Variants in RIF1 observed in about 807,000 individuals in gnomAD.
The protein encoded by RIF1 is replication timing regulatory factor 1, also known as telomere-associated protein RIF1.
RIF1 carries 45 observed loss-of-function variants against 247.1 expected under a neutral mutation model. That is an observed-to-expected ratio of 0.18 (90% confidence interval 0.14 to 0.23). RIF1 has a LOEUF of 0.23. Among genes scored for constraint, RIF1 ranks in the 10% least tolerant of loss-of-function variants. The pLI is 1.00. For synonymous variants in RIF1, 1,087 were observed against 978.8 expected (o/e 1.11, Z -2.06); for missense variants, 2,967 against 2,862.5 (o/e 1.04, Z -0.83).
At chr2:151,450,864 G>A (rs1447171800) in intron 20 of RIF1, among the ~76,000 whole-genome samples, 1 of 152,186 alleles carries the variant, frequency 6.6e-6, no homozygotes, top group African/African-American at 2.4e-5. Flanking sequence ...GATTGCAGGC[G>A]TGAGCCACCA....
At chr2:151,492,481 T>G (rs1553529976) in intron 9 of RIF1, 1 of 1,612,638 alleles carries the variant, frequency 6.2e-7, no homozygotes, top group South Asian at 1.1e-5. Flanking sequence ...CCGGAAACTA[T>G]CAGAATAAAG....
chr2:151,530,261 G>T, the RIF1 span, among the ~76,000 whole-genome samples: 1 of 152,178 alleles, frequency 6.6e-6, no homozygotes, highest in Non-Finnish European at 1.5e-5. Flanking sequence ...GTATATGTGG[G>T]TTTGGATAGG....
chr2:151,416,330 A>G (rs112937523), intron 4 of RIF1, among the ~76,000 whole-genome samples: 6 of 152,316 alleles, frequency 3.9e-5, no homozygotes, highest in Admixed American at 2.6e-4. Context: ...CAGTTGCACA[A>G]GATATCTGAT....
At chr2:151,506,774 T>C in intron 13 of RIF1, 1 of 641,128 alleles carries the variant, frequency 1.6e-6, no homozygotes, top group South Asian at 1.9e-5. Flanking sequence ...TATTGGGGAT[T>C]TTAGCAAATC....
Position 151,445,436 on chromosome 2 carries a change from A to G in RIF1, c.2085A>G (p.Arg695=), listed in dbSNP as rs1188185375. ...TAAACCACATTTTTTCAGAACAGAGATTTCCAGTGGTAAGGCATTGTCAAG... is the reference window on the plus strand; with the variant it reads ...TAAACCACATTTTTTCAGAACAGAGGTTTCCAGTGGTAAGGCATTGTCAAG... ...LPVNHIFSEQ[R]FPVATMKTLL... The change falls in exon 19 of 36, where the codon AGA becomes AGG. Residue 695 remains arginine (R), a synonymous_variant. Transcript: ENST00000444746. 3 of 1,530,400 alleles carry G rather than the reference A, an allele frequency of 2.0e-6. No homozygotes were observed. Among genetic ancestry groups the G allele is most frequent in the African/African-American group, 2.7e-5 (2 of 73,306 alleles). 94.8% of individuals were successfully genotyped at this position (1,530,400 alleles called of 1,614,324 possible). A position where few individuals can be genotyped will look rare whatever the true frequency, so the allele number is the denominator to read the frequency against.
At chr2:151,438,971 C>T (rs1305663899) in intron 14 of RIF1, among the ~76,000 whole-genome samples, 1 of 152,178 alleles carries the variant, frequency 6.6e-6, no homozygotes, top group African/African-American at 2.4e-5. Flanking sequence ...ACTTCAGACT[C>T]CCCCAGAACT....
intron 8 of RIF1, among the ~76,000 whole-genome samples, chr2:151,426,168 A>ATT (rs35001554): frequency 0.01 from 609 of 58,146 alleles, 38 homozygotes; most frequent in African/African-American, 0.02. Flanking sequence ...TTGGCTTTTA[A>ATT]TTTTTTTTTT....
rs1353469340 is a variant in RIF1 at position 151,459,590 on chromosome 2, A to G, written c.2956-410A>G. Among the ~76,000 whole-genome samples the G allele has an allele frequency of 3.9e-5, 6 of 152,316 alleles. No homozygotes were observed. The East Asian group carries it at 9.6e-4, about 24-fold the overall frequency. ...GTGGAATGTGGTCTGTAAAAGCTAT[A>G]TATTCTGTTGAGGGGAAATATGCTC... is the stretch of plus-strand genomic sequence containing the variant. On this transcript the variant is annotated intron_variant, in intron 25 of 35. Coordinates refer to ENST00000444746, the MANE Select transcript of RIF1 (RefSeq NM_018151.5).
At chr2:151,525,186 C>G in the RIF1 span, 2 of 1,613,836 alleles carry the variant, frequency 1.2e-6, no homozygotes, top group South Asian at 2.2e-5. Context: ...TTGGCCACTT[C>G]CATAGCATGT....
At position 151,463,272 on chromosome 2, in the gene RIF1, A is replaced by C. The variant is rs767265921; in HGVS notation, c.3752A>C (p.Asn1251Thr). ...ATTTCATCAACTGTTACAGTGAAAA[A>C]TAACCAGGAAACCATGATTAAAACA... ...NNISSTVTVK[N>T]NQETMIKTDF... Residue 1251 changes from asparagine (N) to threonine (T), a missense_variant, in exon 30 of 36, where the codon AAT becomes ACT. Physicochemically the swap from Asn to Thr is moderately conservative, Grantham distance 65. Transcript: ENST00000444746. The C allele has an allele frequency of 4.3e-6, 7 of 1,613,060 alleles. No homozygotes were observed. The highest frequency in any genetic ancestry group is 5.9e-6 in the Non-Finnish European group (7 of 1,179,788).
At chr2:151,473,472 G>T (rs910472993) in intron 34 of RIF1, among the ~76,000 whole-genome samples, 2 of 151,374 alleles carry the variant, frequency 1.3e-5, no homozygotes, top group African/African-American at 2.4e-5. Context: ...GTAGAAGGGG[G>T]TTTCACTATG....
the RIF1 span, chr2:151,526,121 A>C: frequency 3.1e-6 from 5 of 1,612,292 alleles, no homozygotes; most frequent in South Asian, 5.5e-5. Flanking sequence ...GCGTTCTCCC[A>C]AGAGGGAAGC....
intron 10 of RIF1, among the ~76,000 whole-genome samples, chr2:151,434,709 G>A (rs1035319934): frequency 1.3e-5 from 2 of 151,904 alleles, no homozygotes; most frequent in African/African-American, 4.8e-5. Flanking sequence ...CAAAGTGCTG[G>A]GATTACAGGC....
At position 151,498,265 on chromosome 2, in the gene RIF1, T is replaced by C. The variant is rs897454282; in HGVS notation, c.*514-1080T>C. On this transcript the variant is annotated intron_variant and NMD_transcript_variant, in intron 10 of 13. Coordinates refer to the RIF1 transcript ENST00000454583. ...CCCCTTTCTTTCCAAAATACCGAGCTAAGGTTTTCTTGATTGTGTTTGACT... is the reference window on the plus strand; with the variant it reads ...CCCCTTTCTTTCCAAAATACCGAGCCAAGGTTTTCTTGATTGTGTTTGACT... The C allele has an allele frequency of 3.9e-6, 6 of 1,551,342 alleles. No homozygotes were observed. Among genetic ancestry groups the C allele is most frequent in the African/African-American group, 1.4e-5 (1 of 73,044 alleles).
rs778151855 is a variant in RIF1 at position 151,455,177 on chromosome 2, A to T, written c.2609+18A>T. 4 of 1,576,216 alleles carry T rather than the reference A, an allele frequency of 2.5e-6. No homozygotes were observed. In the Admixed American group the frequency reaches 5.4e-5, roughly 21 times the overall value. ...AACTCAAAGTAAGTATTTTGGACTA[A>T]GTAGCTTTGAATTAAATGTATACAA... On this transcript the variant is annotated intron_variant, in intron 22 of 35. Coordinates refer to ENST00000444746, the MANE Select transcript of RIF1 (RefSeq NM_018151.5).
intron 10 of RIF1, among the ~76,000 whole-genome samples, chr2:151,498,865 G>A (rs912276603): frequency 6.7e-6 from 1 of 148,386 alleles, no homozygotes; most frequent in Non-Finnish European, 1.5e-5. Context: ...GATGTTTAAG[G>A]CAAATGGAGA....
chr2:151,422,775 C>A (rs986972225), intron 7 of RIF1, among the ~76,000 whole-genome samples, 175 bp from the exon 8 acceptor site: 1 of 151,900 alleles, frequency 6.6e-6, no homozygotes, highest in African/African-American at 2.4e-5. Context: ...CCTCAGCCTC[C>A]CAAAGTGCTG....
chr2:151,471,779 A>G (rs995494961), intron 34 of RIF1, among the ~76,000 whole-genome samples: 2 of 152,184 alleles, frequency 1.3e-5, no homozygotes, highest in South Asian at 4.2e-4. Flanking sequence ...GTAGCCTTGT[A>G]GTATAGTTTG....
chr2:151,465,218 G>C lies in RIF1; in HGVS notation c.5698G>C (p.Glu1900Gln), dbSNP rs1469984803. ...ACTGAGTCTAGAGAATGTTACTGTT[G>C]AAGGAAATGCATGTAAAGTAACAGA... Reference protein sequence around the residue: ...MELSLENVTVEGNACKVTESN... With the variant: ...MELSLENVTVQGNACKVTESN... The change falls in exon 30 of 36, where the codon GAA (glutamate) becomes CAA (glutamine). Residue 1900 changes from glutamate (E) to glutamine (Q), a missense_variant. Physicochemically the swap from Glu to Gln is conservative, Grantham distance 29. This residue lies in a region of RIF1 where 2,028 missense variants were observed against 1,825.6 expected (regional missense o/e 1.11). Coordinates refer to ENST00000444746, the MANE Select transcript of RIF1 (RefSeq NM_018151.5). The C allele has an allele frequency of 6.2e-7, 1 of 1,611,152 alleles. No individual in the cohort carries two copies. Among genetic ancestry groups the C allele is most frequent in the East Asian group, 2.2e-5 (1 of 44,860 alleles).
Sources: allele counts gnomAD v4.1 joint callset (sites outside exome capture counted in the v4.1 genomes callset), GRCh38; gene constraint gnomAD v4.1.1; regional missense constraint gnomAD v4.1.1; transcripts MANE v1.5; gene names NCBI Gene and HGNC (gene_info 2026-07-23, HGNC 2026-07-21).